BSND: variants seen among roughly 807,000 people sequenced by gnomAD.
BSND encodes barttin.
Under a neutral mutation model 18.8 loss-of-function variants are expected in BSND, and 13 were observed. The observed-to-expected ratio is 0.69, with a 90% CI of 0.45 to 1.10. The LOEUF is 1.10. Ranked by LOEUF, BSND falls within the 50% of genes least tolerant of loss-of-function variation. The pLI is 0.00. For synonymous variants in BSND, 170 were observed against 161.8 expected (o/e 1.05, Z -0.39); for missense variants, 379 against 416.7 (o/e 0.91, Z 0.79).
rs1644427108 is a variant in BSND, at chr1:55,012,440, G to A, written c.*3812G>A. On this transcript the variant is annotated 3_prime_UTR_variant, in exon 4 of 4. Transcript: ENST00000651561. ...TACCTTCAGCCTCAGCCAGTTCCTT[G>A]CTGTGTGGCCTTGGACAAGTCACAG... 6.6e-6 allele frequency among the ~76,000 whole-genome samples: 1 copy of A among 152,210 alleles called. No homozygotes were observed. Among genetic ancestry groups the A allele is most frequent in the South Asian group, 2.1e-4 (1 of 4,832 alleles).
chr1:55,004,949 C>G lies in BSND; in HGVS notation c.178-73C>G, dbSNP rs1406374900. On this transcript the variant is annotated intron_variant, in intron 1 of 3. Coordinates refer to ENST00000651561, the MANE Select transcript of BSND (RefSeq NM_057176.3). ...CTCCCAGAGCTCATGGAGAGGTTTG[C>G]CAATTCCCTGAGGGGACAGTAGCCC... The G allele has an allele frequency of 2.1e-6, 3 of 1,434,444 alleles. No individual in the cohort carries two copies. The African/African-American group carries it at 4.2e-5, about 20-fold the overall frequency. 88.9% of individuals were successfully genotyped at this position (1,434,444 alleles called of 1,614,324 possible).
chr1:55,006,111 C>T (rs1644390495), intron 2 of BSND, among the ~76,000 whole-genome samples: 1 of 152,198 alleles, frequency 6.6e-6, no homozygotes, highest in Non-Finnish European at 1.5e-5. Context: ...ATGATCTCTG[C>T]TTTGCTTGGG....
At position 55,013,900 on chromosome 1, in the gene BSND, C is replaced by T. The variant is rs1240939168; in HGVS notation, c.*5272C>T. ...CCTTGGCTCATGCTGTTCCCTCCACCCAGGTGCCCTTCATCCCCTTCTCTG... is the reference window on the plus strand; with the variant it reads ...CCTTGGCTCATGCTGTTCCCTCCACTCAGGTGCCCTTCATCCCCTTCTCTG... On this transcript the variant is annotated 3_prime_UTR_variant, in exon 4 of 4. Transcript: ENST00000651561. 6.6e-6 allele frequency among the ~76,000 whole-genome samples: 1 copy of T among 152,160 alleles called. No homozygotes were observed. Among genetic ancestry groups the T allele is most frequent in the Non-Finnish European group, 1.5e-5 (1 of 68,026 alleles).
At chr1:55,008,093 AG>A in intron 3 of BSND, 120 bp from the exon 4 acceptor site, 1 of 794,964 alleles carries the variant, frequency 1.3e-6, no homozygotes, top group South Asian at 1.6e-5. Flanking sequence ...GTTATTGGGA[AG>A]AAACTGAGGC....
Position 55,011,326 on chromosome 1 carries a change from C to G in BSND, c.*2698C>G, listed in dbSNP as rs540363417. On this transcript the variant is annotated 3_prime_UTR_variant, in exon 4 of 4. Coordinates refer to ENST00000651561, the MANE Select transcript of BSND (RefSeq NM_057176.3). Reference sequence around the variant, plus strand: ...GTTATTAGGAGGCCCCTTTCACGCTCGAAGATACCTCATTTGGATGATACA... The same window carrying G: ...GTTATTAGGAGGCCCCTTTCACGCTGGAAGATACCTCATTTGGATGATACA... 3.9e-5 allele frequency: 6 copies of G among 152,370 alleles called. No homozygotes were observed. The highest frequency in any genetic ancestry group is 2.1e-4 in the South Asian group (1 of 4,832). The allele number at this position is 152,370 out of a possible 1,614,324, so 9.4% of individuals were successfully genotyped here. A position where few individuals can be genotyped will look rare whatever the true frequency, so the allele number is the denominator to read the frequency against.
intron 1 of BSND, among the ~76,000 whole-genome samples, chr1:55,001,174 C>A (rs562976703): frequency 6.7e-6 from 1 of 150,038 alleles, no homozygotes; most frequent in Non-Finnish European, 1.5e-5. Flanking sequence ...GAGCCTTGTA[C>A]GGCTGATTGG....
At position 55,011,991 on chromosome 1, in the gene BSND, C is replaced by T. The variant is rs934481095; in HGVS notation, c.*3363C>T. 6.6e-6 allele frequency among the ~76,000 whole-genome samples: 1 copy of T among 152,142 alleles called. No homozygotes were observed. The highest frequency in any genetic ancestry group is 6.5e-5 in the Admixed American group (1 of 15,286). ...AGCTCCAGGCTCCAGGTGTGTGTGC[C>T]AGGGTGAAAATTCCTGCTCTTGGTC... On this transcript the variant is annotated 3_prime_UTR_variant, in exon 4 of 4. Transcript: ENST00000651561.
At position 55,009,810 on chromosome 1, in the gene BSND, A is replaced by G. The variant is rs2015721; in HGVS notation, c.*1182A>G. The G allele has an allele frequency of 0.47, 71,173 of 152,074 alleles. 17,747 individuals carry two copies. Among genetic ancestry groups the G allele is most frequent in the African/African-American group, 0.64 (26,396 of 41,442 alleles). 9.4% of individuals were successfully genotyped at this position (152,074 alleles called of 1,614,324 possible). Reference sequence around the variant, plus strand: ...TAATCTGAGCATTTTGGGAGGCTAAAGTGGGTGGATCACTTGAGGCCAGGA... The same window carrying G: ...TAATCTGAGCATTTTGGGAGGCTAAGGTGGGTGGATCACTTGAGGCCAGGA... On this transcript the variant is annotated 3_prime_UTR_variant, in exon 4 of 4. Coordinates refer to ENST00000651561, the MANE Select transcript of BSND (RefSeq NM_057176.3).
intron 1 of BSND, 22 bp from the exon 2 acceptor site, chr1:55,005,000 G>A (rs775078733): frequency 1.9e-6 from 3 of 1,611,622 alleles, no homozygotes; most frequent in Non-Finnish European, 2.5e-6. Context: ...CTGCACAGAG[G>A]CTGTCTCTCC....
intron 1 of BSND, 79 bp downstream of exon 1, chr1:54,999,442 C>T (rs1053782141): frequency 7.0e-7 from 1 of 1,419,874 alleles, no homozygotes; most frequent in African/African-American, 1.4e-5. Context: ...TGCCATGCCT[C>T]ACCCCCTATC....
At position 55,014,359 on chromosome 1, in the gene BSND, C is replaced by T. The variant is rs1312865211; in HGVS notation, c.*5731C>T. 6.6e-6 allele frequency among the ~76,000 whole-genome samples: 1 copy of T among 152,244 alleles called. No homozygotes were observed. Among genetic ancestry groups the T allele is most frequent in the Non-Finnish European group, 1.5e-5 (1 of 68,040 alleles). On this transcript the variant is annotated 3_prime_UTR_variant, in exon 4 of 4. Transcript: ENST00000651561. ...TGACTTTGGCCAGGAGACTTAGCCT[C>T]TCTGGCCCTCAATTTCCTTATTAAT... is the stretch of plus-strand genomic sequence containing the variant.
rs1192194021 is a variant in BSND at position 55,001,261 on chromosome 1, A to G, written c.177+1898A>G. Among the ~76,000 whole-genome samples, 3 of 149,866 alleles carry G rather than the reference A, an allele frequency of 2.0e-5. No individual in the cohort carries two copies. In the Admixed American group the frequency reaches 2.0e-4, roughly 10 times the overall value. Reference sequence around the variant, plus strand: ...GTGTGTGTGTTGGGGGAGACCTGGCATCACACCTGCCATGGAACATATGTG... The same window carrying G: ...GTGTGTGTGTTGGGGGAGACCTGGCGTCACACCTGCCATGGAACATATGTG... On this transcript the variant is annotated intron_variant, in intron 1 of 3. Transcript: ENST00000651561.
rs1324293448 is a variant in BSND at position 55,015,979 on chromosome 1, G to A, written c.*7351G>A. On this transcript the variant is annotated 3_prime_UTR_variant, in exon 4 of 4. Coordinates refer to ENST00000651561, the MANE Select transcript of BSND (RefSeq NM_057176.3). ...CCCACCACGTTCCAGGATTGACCTG[G>A]GGTAGGTGTGAACTGAGCTTAGAAT... Among the ~76,000 whole-genome samples the A allele has an allele frequency of 6.6e-6, 1 of 152,224 alleles. No homozygotes were observed. The highest frequency in any genetic ancestry group is 2.4e-5 in the African/African-American group (1 of 41,464).
In BSND at chr1:55,015,931, C is replaced by T. The variant is rs758261147; in HGVS notation, c.*7303C>T. 5.9e-5 allele frequency among the ~76,000 whole-genome samples: 9 copies of T among 152,210 alleles called. No individual in the cohort carries two copies. Among genetic ancestry groups the T allele is most frequent in the Non-Finnish European group, 1.0e-4 (7 of 68,044 alleles). On this transcript the variant is annotated 3_prime_UTR_variant, in exon 4 of 4. Coordinates refer to ENST00000651561, the MANE Select transcript of BSND (RefSeq NM_057176.3). ...GAGCAGGGAGGGAGAACAGCTTGGG[C>T]GAAGCCTCCAGCCCTGAGCCACCCC...
chr1:55,005,469 G>T (rs905178447), intron 2 of BSND, among the ~76,000 whole-genome samples: 3 of 152,224 alleles, frequency 2.0e-5, no homozygotes, highest in Admixed American at 6.5e-5. Flanking sequence ...CAAACAAGAG[G>T]CATGGTGGTG....
In BSND at chr1:55,012,851, C is replaced by G. The variant is rs1445278112; in HGVS notation, c.*4223C>G. ...AGTGAGAGAGGCAGCACCCTGGAAG[C>G]TTGGAGGAGGAGCAGGATTGCTTGT... On this transcript the variant is annotated 3_prime_UTR_variant, in exon 4 of 4. Transcript: ENST00000651561. Among the ~76,000 whole-genome samples, 1 of 152,160 alleles carries G rather than the reference C, an allele frequency of 6.6e-6. No individual in the cohort carries two copies. The highest frequency in any genetic ancestry group is 1.5e-5 in the Non-Finnish European group (1 of 68,016).
rs773623887 is a variant in BSND at position 54,999,369 on chromosome 1, T to C, written c.177+6T>C. 3.2e-5 allele frequency: 52 copies of C among 1,604,238 alleles called. No individual in the cohort carries two copies. Among genetic ancestry groups the C allele is most frequent in the Non-Finnish European group, 4.3e-5 (50 of 1,172,774 alleles). ...TGTGCCAGTGCTACCCCAAGGTAGG[T>C]GGTAGTGGGGCTGGGTGGGGCCAGG... is the stretch of plus-strand genomic sequence containing the variant. On this transcript the variant is annotated splice_donor_region_variant and intron_variant, in intron 1 of 3. Transcript: ENST00000651561.
rs1644447851 is a variant in BSND at position 55,015,933 on chromosome 1, A to T, written c.*7305A>T. On this transcript the variant is annotated 3_prime_UTR_variant, in exon 4 of 4. Coordinates refer to ENST00000651561, the MANE Select transcript of BSND (RefSeq NM_057176.3). The stretch of plus-strand genomic sequence containing the variant: ...GCAGGGAGGGAGAACAGCTTGGGCG[A>T]AGCCTCCAGCCCTGAGCCACCCCAC... 6.6e-6 allele frequency among the ~76,000 whole-genome samples: 1 copy of T among 152,216 alleles called. No individual in the cohort carries two copies. Among genetic ancestry groups the T allele is most frequent in the South Asian group, 2.1e-4 (1 of 4,836 alleles).
rs964289876 is a variant in BSND, at chr1:55,011,480, G to C, written c.*2852G>C. ...CTTGGAAGTGATGGGGGTGTTTGAT[G>C]GGACCTATCTTGTCAATGCCCTGCA... On this transcript the variant is annotated 3_prime_UTR_variant, in exon 4 of 4. Coordinates refer to ENST00000651561, the MANE Select transcript of BSND (RefSeq NM_057176.3). The C allele has an allele frequency of 5.9e-5, 9 of 152,174 alleles. No individual in the cohort carries two copies. Among genetic ancestry groups the C allele is most frequent in the Admixed American group, 5.9e-4 (9 of 15,274 alleles). The allele number at this position is 152,174 out of a possible 1,614,324, so 9.4% of individuals were successfully genotyped here. A position where few individuals can be genotyped will look rare whatever the true frequency, so the allele number is the denominator to read the frequency against.
Sources: allele counts gnomAD v4.1 joint callset (sites outside exome capture counted in the v4.1 genomes callset), GRCh38; gene constraint gnomAD v4.1.1; transcripts MANE v1.5; gene names NCBI Gene and HGNC (gene_info 2026-07-23, HGNC 2026-07-21).